The following CEP85L variants were observed in gnomAD, a reference collection of about 807,000 sequenced individuals.
CEP85L encodes the protein centrosomal protein of 85 kDa-like.
In CEP85L, 60 loss-of-function variants were observed where a neutral mutation model predicts 100.3. That is an observed-to-expected ratio of 0.60 (90% CI 0.49 to 0.74). The LOEUF is 0.74. Ranked by LOEUF, CEP85L falls within the 30% of genes least tolerant of loss-of-function variation. The pLI is 0.00. For missense variants in CEP85L, 973 were observed against 936.2 expected (o/e 1.04, Z -0.51); for synonymous variants, 319 against 322.7 (o/e 0.99, Z 0.12).
chr6:118,490,818 A>G (rs1376545502), intron 6 of CEP85L, among the ~76,000 whole-genome samples: 1 of 152,214 alleles, frequency 6.6e-6, no homozygotes, highest in Non-Finnish European at 1.5e-5. Flanking sequence ...ATTGAATAAA[A>G]GAATATATAC....
chr6:118,599,258 G>A (rs1781603157), intron 2 of CEP85L, among the ~76,000 whole-genome samples: 1 of 152,108 alleles, frequency 6.6e-6, no homozygotes, highest in Non-Finnish European at 1.5e-5. Flanking sequence ...AGCATTTTGT[G>A]GTACCCAAAA....
chr6:118,693,686 C>T (rs920414360), intron 1 of CEP85L, among the ~76,000 whole-genome samples: 149 of 152,318 alleles, frequency 9.8e-4, no homozygotes, highest in African/African-American at 3.5e-3. Context: ...AATCATATCA[C>T]AAAGCTGGTC....
chr6:118,461,787 G>A lies in CEP85L; in HGVS notation c.*3618C>T, dbSNP rs1252134095. 5 of 151,966 alleles carry A rather than the reference G, an allele frequency of 3.3e-5. No homozygotes were observed. Among genetic ancestry groups the A allele is most frequent in the African/African-American group, 9.7e-5 (4 of 41,414 alleles). 9.4% of individuals were successfully genotyped at this position (151,966 alleles called of 1,614,324 possible). On this transcript the variant is annotated 3_prime_UTR_variant, in exon 13 of 13. Coordinates refer to ENST00000368491, the MANE Select transcript of CEP85L (RefSeq NM_001042475.3). ...AATTGTCAAAAATGGAAACATGGCA[G>A]TTTCAAATGATATAGTCTGAGTGAG...
chr6:118,536,181 A>G (rs1777579201), intron 3 of CEP85L, among the ~76,000 whole-genome samples: 1 of 152,214 alleles, frequency 6.6e-6, no homozygotes, highest in Admixed American at 6.5e-5. Flanking sequence ...CAGAACTACT[A>G]TTATACAAAA....
intron 1 of CEP85L, among the ~76,000 whole-genome samples, chr6:118,650,764 G>A (rs972902372): frequency 2.0e-5 from 3 of 152,166 alleles, no homozygotes; most frequent in Non-Finnish European, 4.4e-5. Context: ...GCGGAACTGC[G>A]GCCCCTCCGA....
intron 10 of CEP85L, among the ~76,000 whole-genome samples, chr6:118,476,815 G>T: frequency 6.6e-6 from 1 of 152,132 alleles, no homozygotes; most frequent in East Asian, 1.9e-4. Flanking sequence ...ATTGATGGCT[G>T]TCAATTCAGA....
chr6:118,531,444 A>G (rs1011881630), intron 3 of CEP85L, among the ~76,000 whole-genome samples: 4 of 152,170 alleles, frequency 2.6e-5, no homozygotes, highest in African/African-American at 9.6e-5. Context: ...TTGTGGACAC[A>G]GGCCTTGGCA....
chr6:118,682,601 A>G (rs1421110729), intron 1 of CEP85L, among the ~76,000 whole-genome samples: 1 of 152,092 alleles, frequency 6.6e-6, no homozygotes, highest in Non-Finnish European at 1.5e-5. Flanking sequence ...GTGGCTTGTT[A>G]CCCAAAGAGC....
intron 2 of CEP85L, among the ~76,000 whole-genome samples, chr6:118,596,570 T>C (rs942903302): frequency 6.6e-6 from 1 of 152,120 alleles, no homozygotes; most frequent in Non-Finnish European, 1.5e-5. Context: ...AAGCGTTACA[T>C]CAACACACAT....
At chr6:118,614,293 CTGAA>C (rs1435788338) in intron 2 of CEP85L, among the ~76,000 whole-genome samples, 2 of 152,160 alleles carry the variant, frequency 1.3e-5, no homozygotes, top group Non-Finnish European at 2.9e-5. Flanking sequence ...AGTGAAAAGA[CTGAA>C]TGCTATATCT....
intron 10 of CEP85L, among the ~76,000 whole-genome samples, chr6:118,471,450 G>C (rs1021336796): frequency 6.6e-5 from 10 of 151,892 alleles, no homozygotes; most frequent in Non-Finnish European, 8.8e-5. Context: ...TCTGTATTTA[G>C]TCTCAATTCT....
At chr6:118,491,114 G>T (rs115183340) in intron 6 of CEP85L, among the ~76,000 whole-genome samples, 1 of 150,764 alleles carries the variant, frequency 6.6e-6, no homozygotes, top group Non-Finnish European at 1.5e-5. Context: ...TGTTCTCCAC[G>T]CTGTTTTCCA....
chr6:118,469,583 G>A (rs967445074), intron 11 of CEP85L, among the ~76,000 whole-genome samples: 1 of 152,058 alleles, frequency 6.6e-6, no homozygotes, highest in Non-Finnish European at 1.5e-5. Context: ...AGTCTCTCAC[G>A]TAATAAGCAT....
chr6:118,642,024 A>G (rs890315961), intron 1 of CEP85L, among the ~76,000 whole-genome samples: 1 of 152,218 alleles, frequency 6.6e-6, no homozygotes, highest in African/African-American at 2.4e-5. Context: ...TTTTTAAAAT[A>G]TATCAACTGT....
intron 6 of CEP85L, among the ~76,000 whole-genome samples, chr6:118,489,677 C>A (rs1029670976): frequency 6.6e-6 from 1 of 151,952 alleles, no homozygotes; most frequent in Non-Finnish European, 1.5e-5. Flanking sequence ...GAAAGGGGAA[C>A]CCTTGAACAC....
intron 2 of CEP85L, among the ~76,000 whole-genome samples, chr6:118,567,247 GTGTATATATATATATA>G (rs1441373628): frequency 5.3e-4 from 17 of 31,902 alleles, no homozygotes; most frequent in African/African-American, 2.0e-3. Context: ...GTGTGTGTGT[GTGTATATATATATATA>G]TATATATATA....
intron 2 of CEP85L, among the ~76,000 whole-genome samples, chr6:118,573,108 G>T (rs72952795): frequency 0.35 from 52,726 of 151,966 alleles, 10,316 homozygotes; most frequent in Non-Finnish European, 0.46. Context: ...TCCCCTAAGG[G>T]CTTACATTTC....
At position 118,566,143 on chromosome 6, in the gene CEP85L, G is replaced by A. The variant is rs1369947502; in HGVS notation, c.406C>T (p.His136Tyr). Residue 136 changes from histidine to tyrosine, a missense_variant, in exon 3 of 13, where the codon CAC (histidine) becomes TAC (tyrosine). Coordinates refer to ENST00000368491, the MANE Select transcript of CEP85L (RefSeq NM_001042475.3). ...GAAGAGTCCTGCTCCCCCCTACTGT[G>A]GTTTCCCAATGTTTGCATGAGGCTT... The part of the protein sequence containing the change: ...STSLMQTLGN[H>Y]SRGEQDSSLD... 17 of 1,614,064 alleles carry A rather than the reference G, an allele frequency of 1.1e-5. No homozygotes were observed. The highest frequency in any genetic ancestry group is 1.4e-5 in the Non-Finnish European group (17 of 1,180,002).
Position 118,492,457 on chromosome 6 carries a change from G to C in CEP85L, c.1258-592C>G, listed in dbSNP as rs575912964. 8.7e-4 allele frequency among the ~76,000 whole-genome samples: 133 copies of C among 152,166 alleles called. 1 individual carries two copies. Among genetic ancestry groups the C allele is most frequent in the Middle Eastern group, 3.4e-3 (1 of 294 alleles). On this transcript the variant is annotated intron_variant, in intron 5 of 12. Coordinates refer to ENST00000368491, the MANE Select transcript of CEP85L (RefSeq NM_001042475.3). ...CAAAATAAGTACTCACAAAATAATTGTTGAATGAATAAATGTATTATTGCT... is the reference window on the plus strand; with the variant it reads ...CAAAATAAGTACTCACAAAATAATTCTTGAATGAATAAATGTATTATTGCT...
Sources: allele counts gnomAD v4.1 joint callset (sites outside exome capture counted in the v4.1 genomes callset), GRCh38; gene constraint gnomAD v4.1.1; transcripts MANE v1.5; gene names NCBI Gene and HGNC (gene_info 2026-07-23, HGNC 2026-07-21).